The following WDR7 variants were observed in gnomAD, a reference collection of about 807,000 sequenced individuals.
WDR7 encodes the protein WD repeat domain 7.
In WDR7, 46 loss-of-function variants were observed where a neutral mutation model predicts 169.4. The observed-to-expected ratio is 0.27, with a 90% CI of 0.21 to 0.35. The LOEUF (loss-of-function observed/expected upper bound fraction) is 0.35, where lower values mean the gene tolerates loss of function less well. Ranked by LOEUF, WDR7 falls within the 10% of genes least tolerant of loss-of-function variation. The probability of loss-of-function intolerance (pLI) is 1.00; values close to 1 mark genes in which losing one functional copy is unlikely to be tolerated. For synonymous variants in WDR7, 612 were observed against 666.8 expected (o/e 0.92, Z 1.27); for missense variants, 1,534 against 1,859.3 (o/e 0.83, Z 3.22).
intron 21 of WDR7, among the ~76,000 whole-genome samples, chr18:56,918,714 T>G (rs1489667082): frequency 6.6e-6 from 1 of 152,204 alleles, no homozygotes. Flanking sequence ...AACTGGAAAC[T>G]TTGCCATTGT....
intron 20 of WDR7, among the ~76,000 whole-genome samples, chr18:56,823,972 A>G (rs2045151957): frequency 6.6e-6 from 1 of 152,152 alleles, no homozygotes; most frequent in Admixed American, 6.5e-5. Context: ...AAGCCAGTTC[A>G]TCACCCTTCA....
chr18:56,674,574 C>T (rs958364670), intron 2 of WDR7, among the ~76,000 whole-genome samples: 1 of 152,134 alleles, frequency 6.6e-6, no homozygotes, highest in African/African-American at 2.4e-5. Context: ...ATACAAATCC[C>T]TTAACAGATA....
chr18:56,836,347 T>C (rs997846379), intron 20 of WDR7, among the ~76,000 whole-genome samples: 9 of 152,198 alleles, frequency 5.9e-5, no homozygotes, highest in African/African-American at 2.2e-4. Flanking sequence ...GCTGACAATG[T>C]AGGGCCTCAC....
chr18:56,786,041 C>T (rs1420673733), intron 19 of WDR7, among the ~76,000 whole-genome samples: 2 of 152,016 alleles, frequency 1.3e-5, no homozygotes, highest in African/African-American at 4.8e-5. Context: ...AAGTACAGAA[C>T]GTTGGCTGGC....
chr18:56,876,259 A>G (rs948960337), intron 20 of WDR7, among the ~76,000 whole-genome samples: 3 of 152,180 alleles, frequency 2.0e-5, no homozygotes, highest in Admixed American at 2.0e-4. Context: ...CATTTAATCA[A>G]CATATAGCGC....
intron 25 of WDR7, among the ~76,000 whole-genome samples, chr18:56,944,266 A>G (rs1302773294): frequency 1.3e-5 from 2 of 152,072 alleles, no homozygotes; most frequent in Admixed American, 6.5e-5. Context: ...TGCTGGGATT[A>G]TAGGCGTGAG....
chr18:56,903,229 T>A (rs183331009), intron 21 of WDR7, among the ~76,000 whole-genome samples: 216 of 152,276 alleles, frequency 1.4e-3, no homozygotes, highest in Non-Finnish European at 2.5e-3. Flanking sequence ...TTTCTAAAGA[T>A]GGTGTTTCAC....
intron 16 of WDR7, among the ~76,000 whole-genome samples, chr18:56,772,045 A>G (rs1347542014): frequency 7.9e-6 from 1 of 126,898 alleles, no homozygotes; most frequent in Non-Finnish European, 1.6e-5. Context: ...TGGGTGACAG[A>G]GCAAGACCCT....
intron 26 of WDR7, among the ~76,000 whole-genome samples, chr18:56,996,594 A>C (rs547756147): frequency 1.1e-4 from 16 of 152,292 alleles, no homozygotes; most frequent in African/African-American, 3.9e-4. Flanking sequence ...AGATTAGGAA[A>C]TCATGTAGAA....
intron 1 of WDR7, among the ~76,000 whole-genome samples, chr18:56,657,580 C>T (rs181518069): frequency 6.6e-6 from 1 of 152,312 alleles, no homozygotes; most frequent in East Asian, 1.9e-4. Flanking sequence ...CAGCTGAGAG[C>T]TATGGATAGC....
At chr18:56,733,500 C>G (rs368507685) in intron 14 of WDR7, among the ~76,000 whole-genome samples, 1 of 152,262 alleles carries the variant, frequency 6.6e-6, no homozygotes, top group Middle Eastern at 3.4e-3. Context: ...TTACATGAGT[C>G]TTTCAATGGA....
At chr18:56,917,175 C>T (rs1473433467) in intron 21 of WDR7, among the ~76,000 whole-genome samples, 1 of 151,606 alleles carries the variant, frequency 6.6e-6, no homozygotes, top group South Asian at 2.1e-4. Context: ...CCAGCCTGGG[C>T]GACAGGGTGA....
At chr18:56,960,344 A>G (rs929895822) in intron 25 of WDR7, among the ~76,000 whole-genome samples, 9 of 152,212 alleles carry the variant, frequency 5.9e-5, no homozygotes, top group Non-Finnish European at 1.2e-4. Context: ...GATTTTGTCA[A>G]CACAAGTATA....
At chr18:56,748,297 A>G (rs550181380) in intron 14 of WDR7, among the ~76,000 whole-genome samples, 74 of 152,234 alleles carry the variant, frequency 4.9e-4, no homozygotes, top group African/African-American at 1.6e-3. Context: ...ACAATGGAGG[A>G]ACACTCCTGG....
At chr18:56,981,043 A>G (rs1423920192) in intron 26 of WDR7, among the ~76,000 whole-genome samples, 1 of 152,236 alleles carries the variant, frequency 6.6e-6, no homozygotes, top group African/African-American at 2.4e-5. Flanking sequence ...TGGGGAGACT[A>G]GTTTCAGGCT....
chr18:56,994,625 T>C (rs2047870851), intron 26 of WDR7, among the ~76,000 whole-genome samples: 3 of 152,246 alleles, frequency 2.0e-5, no homozygotes, highest in Admixed American at 6.5e-5. Flanking sequence ...ATGTTTACTT[T>C]TGCAAGGGCA....
chr18:56,999,239 C>T (rs1370023914), intron 26 of WDR7, among the ~76,000 whole-genome samples: 1 of 152,112 alleles, frequency 6.6e-6, no homozygotes, highest in Admixed American at 6.6e-5. Context: ...CATCTGGTTT[C>T]TTTGTACTGT....
At chr18:56,904,852 C>T (rs1277900503) in intron 21 of WDR7, among the ~76,000 whole-genome samples, 1 of 152,026 alleles carries the variant, frequency 6.6e-6, no homozygotes, top group Non-Finnish European at 1.5e-5. Flanking sequence ...AACTAGAGAA[C>T]ATTAACAAAT....
chr18:56,878,464 G>C (rs778737351), intron 20 of WDR7, among the ~76,000 whole-genome samples: 1 of 151,862 alleles, frequency 6.6e-6, no homozygotes, highest in Non-Finnish European at 1.5e-5. Context: ...TTTCATGCTT[G>C]TTATTTTCTG....
Sources: gnomAD v4.1 joint callset for allele counts (sites outside exome capture counted in the v4.1 genomes callset) on GRCh38, gnomAD v4.1.1 for gene constraint, MANE v1.5 for transcripts, NCBI Gene and HGNC (gene_info 2026-07-23, HGNC 2026-07-21) for gene names.